The following SCAF11 variants were observed in gnomAD, a reference collection of about 807,000 sequenced individuals.
SCAF11 encodes the protein protein SCAF11.
A neutral mutation model predicts 140.5 loss-of-function variants in SCAF11; 47 were observed. The ratio of observed to expected loss-of-function variants is 0.33; its 90% CI spans 0.26 to 0.43. The LOEUF is 0.43. Ranked by LOEUF, SCAF11 falls within the 20% of genes least tolerant of loss-of-function variation. The pLI, the probability that SCAF11 is intolerant of heterozygous loss-of-function variation, is 1.00. For synonymous variants in SCAF11, 557 were observed against 579.4 expected (o/e 0.96, Z 0.55); for missense variants, 1,645 against 1,705.1 (o/e 0.96, Z 0.62).
rs751190660 is a variant in SCAF11, at chr12:45,927,154, C to T, written c.2547G>A (p.Gln849=). The T allele has an allele frequency of 3.1e-6, 5 of 1,613,900 alleles. No individual in the cohort carries two copies. Residue 849 remains glutamine, a synonymous_variant, in exon 11 of 15, where the codon CAG becomes CAA. Transcript: ENST00000369367. ...CTCTTGCAATATCCTTTTTTGGGGA[C>T]TGAGAACGGGATTTTTTCCGGCCTC... is the stretch of plus-strand genomic sequence containing the variant. ...SARGRKKSRS[Q]SPKKDIARER... is the part of the protein sequence containing the mutation.
At chr12:45,978,791 A>C (rs1418116809) in intron 1 of SCAF11, among the ~76,000 whole-genome samples, 1 of 152,158 alleles carries the variant, frequency 6.6e-6, no homozygotes, top group Non-Finnish European at 1.5e-5. Flanking sequence ...TCACCTCCCA[A>C]AAAAGGGAGA....
chr12:45,945,183 G>T, intron 6 of SCAF11, 66 bp downstream of exon 6: 2 of 929,448 alleles, frequency 2.2e-6, no homozygotes, highest in South Asian at 1.4e-5. Flanking sequence ...TGAGAACTCT[G>T]ACACAACCAT....
rs1946575383 is a variant in SCAF11, at chr12:45,990,556, G to C, written c.-225C>G. The stretch of plus-strand genomic sequence containing the variant: ...GACCCAGGTTGCGCTGCTCCGCGCG[G>C]CTTAAGCCACCGCTACTCCCCCTTC... On this transcript the variant is annotated 5_prime_UTR_variant, in exon 1 of 15. Transcript: ENST00000369367. 1 of 1,231,286 alleles carries C rather than the reference G, an allele frequency of 8.1e-7. No individual in the cohort carries two copies. The allele number at this position is 1,231,286 out of a possible 1,614,324, so 76.3% of individuals were successfully genotyped here.
intron 3 of SCAF11, chr12:45,960,816 C>G (rs1207362423): frequency 6.6e-6 from 1 of 152,074 alleles, no homozygotes; most frequent in African/African-American, 2.4e-5. Context: ...ATGTAATATG[C>G]AATTAATTCC....
rs985987271 is a variant in SCAF11 at position 45,986,296 on chromosome 12, G to A, written c.-22+4057C>T. 9.2e-5 allele frequency among the ~76,000 whole-genome samples: 14 copies of A among 152,194 alleles called. No homozygotes were observed. The South Asian group carries it at 2.9e-3, about 32-fold the overall frequency. On this transcript the variant is annotated intron_variant, in intron 1 of 14. Transcript: ENST00000369367. ...ATATGTTAAAACCAAAAGAGCTCTG[G>A]TCCTTATCTGGCACAACCCAGGAAT...
Position 45,945,304 on chromosome 12 carries a change from G to A in SCAF11, c.408C>T (p.Ala136=). Residue 136 remains alanine, a synonymous_variant, in exon 6 of 15, where the codon GCC becomes GCT. Transcript: ENST00000369367. ...ENSKSCIRRK[A]IVREDLLSAK... is the part of the protein sequence containing the mutation. ...CACTTAATAGATCTTCTCTTACGATGGCTTTTCTTCTGTAAACATCAATAA... is the reference window on the plus strand; with the variant it reads ...CACTTAATAGATCTTCTCTTACGATAGCTTTTCTTCTGTAAACATCAATAA... 2 of 1,564,698 alleles carry A rather than the reference G, an allele frequency of 1.3e-6. No individual in the cohort carries two copies. Among genetic ancestry groups the A allele is most frequent in the East Asian group, 2.3e-5 (1 of 43,930 alleles).
intron 6 of SCAF11, among the ~76,000 whole-genome samples, chr12:45,938,472 A>G (rs1945221028): frequency 6.6e-6 from 1 of 151,280 alleles, no homozygotes; most frequent in African/African-American, 2.4e-5. Flanking sequence ...CTGGGTGACA[A>G]GAGCGAGACT....
At chr12:45,983,870 G>T (rs750797710) in intron 1 of SCAF11, among the ~76,000 whole-genome samples, 5 of 151,744 alleles carry the variant, frequency 3.3e-5, no homozygotes, top group Non-Finnish European at 5.9e-5. Context: ...TAGGGTAAAA[G>T]AAAGGATAAA....
intron 1 of SCAF11, among the ~76,000 whole-genome samples, chr12:45,979,915 G>C (rs541650432): frequency 9.2e-5 from 14 of 151,762 alleles, no homozygotes. Flanking sequence ...TGCCACATTA[G>C]CATAAGGCAT....
chr12:45,963,283 C>A (rs1378885997), intron 2 of SCAF11, among the ~76,000 whole-genome samples: 1 of 152,036 alleles, frequency 6.6e-6, no homozygotes, highest in Non-Finnish European at 1.5e-5. Flanking sequence ...TAAAAATAAT[C>A]CATGCCTAGA....
Position 45,921,879 on chromosome 12 carries a change from C to T in SCAF11, c.*169G>A, listed in dbSNP as rs1361114902. 1.5e-6 allele frequency: 1 copy of T among 686,516 alleles called. No individual in the cohort carries two copies. Among genetic ancestry groups the T allele is most frequent in the East Asian group, 2.9e-5 (1 of 34,144 alleles). The allele number at this position is 686,516 out of a possible 1,614,324, so 42.5% of individuals were successfully genotyped here. The stretch of plus-strand genomic sequence containing the variant: ...AGGGGAAGGAAGGATACAGAAGTTG[C>T]AGTGCAGACCTATATTTATTTAGAA... On this transcript the variant is annotated 3_prime_UTR_variant, in exon 15 of 15. Transcript: ENST00000369367.
rs994652558 is a variant in SCAF11 at position 45,990,491 on chromosome 12, T to C, written c.-160A>G. ...GTTACAGGGTCTCTAGGACACTGACTCCGCTGGCTCGGTCCGGAGGCGGCG... is the reference window on the plus strand; with the variant it reads ...GTTACAGGGTCTCTAGGACACTGACCCCGCTGGCTCGGTCCGGAGGCGGCG... On this transcript the variant is annotated 5_prime_UTR_variant, in exon 1 of 15. Transcript: ENST00000369367. The C allele has an allele frequency of 8.9e-6, 11 of 1,230,590 alleles. No individual in the cohort carries two copies. In the South Asian group the frequency reaches 1.2e-4, roughly 14 times the overall value. The allele number at this position is 1,230,590 out of a possible 1,614,324, so 76.2% of individuals were successfully genotyped here. A position where few individuals can be genotyped will look rare whatever the true frequency, so the allele number is the denominator to read the frequency against.
chr12:45,963,936 C>A (rs1043661507), intron 2 of SCAF11, among the ~76,000 whole-genome samples, 171 bp downstream of exon 2: 1 of 151,634 alleles, frequency 6.6e-6, no homozygotes, highest in Non-Finnish European at 1.5e-5. Flanking sequence ...CTTGATCAGT[C>A]GAAAATAAGA....
chr12:45,960,069 C>G (rs1483678375), intron 3 of SCAF11, among the ~76,000 whole-genome samples: 2 of 152,024 alleles, frequency 1.3e-5, no homozygotes, highest in Non-Finnish European at 2.9e-5. Flanking sequence ...AAATATTCAA[C>G]AAGAGTTAAA....
chr12:45,931,353 G>C, intron 10 of SCAF11, 153 bp downstream of exon 10: 1 of 427,580 alleles, frequency 2.3e-6, no homozygotes, highest in East Asian at 3.9e-5. Flanking sequence ...CAATTCTAAA[G>C]TTAAGTCATT....
chr12:45,991,630 T>C (rs1230761587), upstream of SCAF11, among the ~76,000 whole-genome samples: 5 of 152,232 alleles, frequency 3.3e-5, no homozygotes, highest in Admixed American at 3.3e-4. Flanking sequence ...TAGTGACGTG[T>C]GTGCCATCCT....
intron 2 of SCAF11, among the ~76,000 whole-genome samples, chr12:45,962,543 T>C (rs938054547): frequency 3.3e-5 from 5 of 152,168 alleles, no homozygotes; most frequent in Non-Finnish European, 7.4e-5. Flanking sequence ...AACCAACTCA[T>C]ACAAAAGTAT....
chr12:45,955,924 A>AT (rs1491060485), intron 3 of SCAF11: 1 of 570,398 alleles, frequency 1.8e-6, no homozygotes, highest in Non-Finnish European at 3.1e-6. Flanking sequence ...TAAACAGAGC[A>AT]TATGTTTTAC....
At chr12:45,952,948 G>C (rs1945586549) in intron 3 of SCAF11, among the ~76,000 whole-genome samples, 1 of 152,216 alleles carries the variant, frequency 6.6e-6, no homozygotes, top group Non-Finnish European at 1.5e-5. Context: ...AGTAAAAGTA[G>C]AGCAGATTGT....
Sources: allele counts gnomAD v4.1 joint callset (sites outside exome capture counted in the v4.1 genomes callset), GRCh38; gene constraint gnomAD v4.1.1; transcripts MANE v1.5; gene names NCBI Gene and HGNC (gene_info 2026-07-23, HGNC 2026-07-21).